The following ATP6V0E1 variants were observed in gnomAD, a reference collection of about 807,000 sequenced individuals.
ATP6V0E1 encodes V-type proton ATPase subunit e 1.
In ATP6V0E1, 4 loss-of-function variants were observed where a neutral mutation model predicts 11.6. That is an observed-to-expected ratio of 0.35 (90% CI 0.17 to 0.79). ATP6V0E1 has a LOEUF of 0.79. Ranked by LOEUF, ATP6V0E1 falls within the 30% of genes least tolerant of loss-of-function variation. The pLI, the probability that ATP6V0E1 is intolerant of heterozygous loss-of-function variation, is 0.54. For synonymous variants in ATP6V0E1, 36 were observed against 34.8 expected (o/e 1.04, Z -0.13); for missense variants, 105 against 100.0 (o/e 1.05, Z -0.21).
chr5:173,014,209 T>C (rs1446246192), intron 2 of ATP6V0E1, among the ~76,000 whole-genome samples: 1 of 145,788 alleles, frequency 6.9e-6, no homozygotes. Flanking sequence ...CCAGCAAGGA[T>C]GCAGAGAAAA....
intron 1 of ATP6V0E1, 75 bp downstream of exon 1, chr5:172,984,039 C>G: frequency 7.1e-7 from 1 of 1,418,236 alleles, no homozygotes. Flanking sequence ...AAGGCACGAC[C>G]CCCACACGGG....
At chr5:172,995,330 G>C (rs904807994) in intron 2 of ATP6V0E1, among the ~76,000 whole-genome samples, 2 of 152,198 alleles carry the variant, frequency 1.3e-5, no homozygotes, top group African/African-American at 4.8e-5. Flanking sequence ...TCAAACTCCT[G>C]ACCTCAAGTG....
intron 2 of ATP6V0E1, among the ~76,000 whole-genome samples, chr5:172,999,101 A>G (rs932666688): frequency 6.6e-6 from 1 of 151,878 alleles, no homozygotes; most frequent in Non-Finnish European, 1.5e-5. Flanking sequence ...GTGCCATTGC[A>G]CTCCAGCCTG....
At chr5:173,026,033 G>A (rs1756554693) in intron 3 of ATP6V0E1, among the ~76,000 whole-genome samples, 1 of 151,696 alleles carries the variant, frequency 6.6e-6, no homozygotes, top group Admixed American at 6.6e-5. Context: ...GGGTCTCACT[G>A]TTGGTCAGGC....
intron 1 of ATP6V0E1, among the ~76,000 whole-genome samples, chr5:172,988,259 G>A (rs888360415): frequency 2.0e-5 from 3 of 152,148 alleles, no homozygotes; most frequent in African/African-American, 7.2e-5. Context: ...ATTGTCAAGT[G>A]CCTGTATTAT....
intron 3 of ATP6V0E1, among the ~76,000 whole-genome samples, chr5:173,026,863 C>G: frequency 6.6e-6 from 1 of 152,158 alleles, no homozygotes; most frequent in East Asian, 1.9e-4. Flanking sequence ...AGAGATTATA[C>G]TGTTTTGCAT....
intron 1 of ATP6V0E1, chr5:172,986,763 T>A (rs1755903127): frequency 2.3e-6 from 1 of 440,454 alleles, no homozygotes; most frequent in Non-Finnish European, 4.5e-6. Context: ...AAGATAAGGT[T>A]GGTTTTTTGT....
chr5:172,983,833 G>T lies in ATP6V0E1; in HGVS notation c.-28G>T, dbSNP rs1174780048. The T allele has an allele frequency of 1.2e-6, 2 of 1,605,598 alleles. No individual in the cohort carries two copies. The highest frequency in any genetic ancestry group is 1.3e-5 in the African/African-American group (1 of 74,782). The stretch of plus-strand genomic sequence containing the variant: ...TGGTGGGATCCGAGTGAGGCGACGG[G>T]GTAGGGGTTGGCGCTCAGGCGGCGA... On this transcript the variant is annotated 5_prime_UTR_variant, in exon 1 of 4. Coordinates refer to ENST00000519374, the MANE Select transcript of ATP6V0E1 (RefSeq NM_003945.4).
At chr5:173,013,285 A>AGAC (rs1295716279) in intron 2 of ATP6V0E1, among the ~76,000 whole-genome samples, 2 of 151,940 alleles carry the variant, frequency 1.3e-5, no homozygotes, top group Non-Finnish European at 2.9e-5. Flanking sequence ...TAGAATAAAG[A>AGAC]GACAACTTGG....
At chr5:173,019,057 G>T (rs1756442603) in intron 2 of ATP6V0E1, among the ~76,000 whole-genome samples, 1 of 152,102 alleles carries the variant, frequency 6.6e-6, no homozygotes, top group Non-Finnish European at 1.5e-5. Context: ...AGGCTCAAGG[G>T]ATGCTCCCAC....
intron 2 of ATP6V0E1, among the ~76,000 whole-genome samples, chr5:173,001,611 C>A (rs552440713): frequency 6.6e-6 from 1 of 152,310 alleles, no homozygotes; most frequent in African/African-American, 2.4e-5. Context: ...AGTAACCACA[C>A]GTGGTGGCTC....
At chr5:172,993,679 A>ACCCCC (rs35327427) in intron 1 of ATP6V0E1, among the ~76,000 whole-genome samples, 1 of 79,368 alleles carries the variant, frequency 1.3e-5, no homozygotes, top group African/African-American at 5.6e-5. Flanking sequence ...ACATATTGAG[A>ACCCCC]CCCCCCCCCC....
intron 1 of ATP6V0E1, among the ~76,000 whole-genome samples, chr5:172,987,748 C>T (rs1464844671): frequency 6.6e-6 from 1 of 151,724 alleles, no homozygotes; most frequent in Non-Finnish European, 1.5e-5. Flanking sequence ...GAGAGTCTCA[C>T]TGTCACCCAG....
intron 2 of ATP6V0E1, among the ~76,000 whole-genome samples, chr5:172,997,890 G>A (rs897229292): frequency 1.3e-5 from 2 of 152,126 alleles, no homozygotes; most frequent in African/African-American, 2.4e-5. Flanking sequence ...GCTGAGGCGG[G>A]CAGATCACTT....
At chr5:173,016,213 C>T (rs1468532660) in intron 2 of ATP6V0E1, among the ~76,000 whole-genome samples, 1 of 152,126 alleles carries the variant, frequency 6.6e-6, no homozygotes, top group Non-Finnish European at 1.5e-5. Flanking sequence ...GGAACCAAGC[C>T]CTCACCCTGT....
chr5:172,992,163 G>A (rs1255735161), intron 1 of ATP6V0E1, among the ~76,000 whole-genome samples: 2 of 152,058 alleles, frequency 1.3e-5, no homozygotes, highest in Non-Finnish European at 2.9e-5. Context: ...CCATTCTCCT[G>A]CCTCAGCCTC....
At chr5:173,020,172 A>T in intron 2 of ATP6V0E1, 66 bp from the exon 3 acceptor site, 1 of 1,347,380 alleles carries the variant, frequency 7.4e-7, no homozygotes, top group Admixed American at 1.8e-5. Flanking sequence ...TTCCATGCTA[A>T]TTGAAAATGG....
intron 2 of ATP6V0E1, among the ~76,000 whole-genome samples, chr5:173,003,115 G>C (rs904918690): frequency 3.9e-5 from 6 of 152,098 alleles, no homozygotes; most frequent in African/African-American, 1.4e-4. Context: ...CAGAGTTTAT[G>C]TAAGGCCCAG....
Position 172,994,779 on chromosome 5 carries a change from A to C in ATP6V0E1, c.109A>C (p.Ile37Leu), listed in dbSNP as rs1316698950. ...FIPKGPNRGV[I>L]ITMLVTCSVC... Reference sequence around the variant, plus strand: ...TGCATTTTTTTTTTTTTTTAGAGTTATCATTACCATGTTGGTGACCTGTTC... The same window carrying C: ...TGCATTTTTTTTTTTTTTTAGAGTTCTCATTACCATGTTGGTGACCTGTTC... The change falls in exon 2 of 4, where the codon ATC (isoleucine) becomes CTC (leucine). Residue 37 changes from isoleucine to leucine, a missense_variant. Ile to Leu is a conservative substitution (Grantham distance 5, BLOSUM62 2). Transcript: ENST00000519374. 1 of 1,576,414 alleles carries C rather than the reference A, an allele frequency of 6.3e-7. No homozygotes were observed. Among genetic ancestry groups the C allele is most frequent in the Non-Finnish European group, 8.6e-7 (1 of 1,165,428 alleles).
Sources: allele counts gnomAD v4.1 joint callset (sites outside exome capture counted in the v4.1 genomes callset), GRCh38; gene constraint gnomAD v4.1.1; transcripts MANE v1.5; gene names NCBI Gene and HGNC (gene_info 2026-07-23, HGNC 2026-07-21).